Variants in KDR observed in about 807,000 individuals in gnomAD.
The protein encoded by KDR is vascular endothelial growth factor receptor 2.
In KDR, 43 loss-of-function variants were observed where a neutral mutation model predicts 160.9. The observed-to-expected ratio is 0.27, with a 90% CI of 0.21 to 0.34. KDR has a LOEUF of 0.34. Ranked by LOEUF, KDR falls within the 10% of genes least tolerant of loss-of-function variation. The pLI, the probability that KDR is intolerant of heterozygous loss-of-function variation, is 1.00. For synonymous variants in KDR, 617 were observed against 600.1 expected, an observed-to-expected ratio of 1.03 and a Z score of -0.41; for missense variants, 1,469 against 1,666.4, an observed-to-expected ratio of 0.88 and a Z score of 2.06.
At chr4:55,103,173 T>C (rs1720357855) in intron 13 of KDR, among the ~76,000 whole-genome samples, 1 of 152,142 alleles carries the variant, frequency 6.6e-6, no homozygotes. Context: ...CTAAGGGAAG[T>C]CTTGGATTTA....
At chr4:55,099,238 C>T (rs977030341) in intron 15 of KDR, among the ~76,000 whole-genome samples, 4 of 152,046 alleles carry the variant, frequency 2.6e-5, no homozygotes, top group African/African-American at 4.8e-5. Flanking sequence ...AGGCTAGTCT[C>T]GAACTCCTGG....
In KDR at chr4:55,102,460, C is replaced by A. The variant is rs1212783208; in HGVS notation, c.2036G>T (p.Ser679Ile). 11 of 1,613,748 alleles carry A rather than the reference C, an allele frequency of 6.8e-6. No homozygotes were observed. Among genetic ancestry groups the A allele is most frequent in the Non-Finnish European group, 8.5e-6 (10 of 1,179,748 alleles). ...ITGNLENQTTSIGESIEVSCT... is the reference protein window; with the variant it reads ...ITGNLENQTTIIGESIEVSCT... ...TGAGACTTCGATGCTTTCCCCAATA[C>A]TTGTCGTCTGATTCTCCAGGTTTCC... The change falls in exon 14 of 30, where the codon AGT becomes ATT. Residue 679 changes from serine (S) to isoleucine (I), a missense_variant. This residue lies in a region of KDR where 792 missense variants were observed against 840.9 expected (regional missense o/e 0.94). Coordinates refer to ENST00000263923, the MANE Select transcript of KDR (RefSeq NM_002253.4).
At chr4:55,096,522 A>C in intron 18 of KDR, 180 bp from the exon 19 acceptor site, 1 of 588,698 alleles carries the variant, frequency 1.7e-6, no homozygotes, top group Non-Finnish European at 3.0e-6. Flanking sequence ...TTCTAATTTG[A>C]AATAAAATTC....
At chr4:55,082,085 AAAT>A (rs778797857) in intron 28 of KDR, 44 bp from the exon 29 acceptor site, 4 of 1,289,170 alleles carry the variant, frequency 3.1e-6, no homozygotes, top group Non-Finnish European at 3.4e-6. Flanking sequence ...TGAGCATATA[AAAT>A]GACCAACTAT....
rs957901811 is a variant in KDR at position 55,110,759 on chromosome 4, A to G, written c.986T>C (p.Phe329Ser). 3 of 1,603,306 alleles carry G rather than the reference A, an allele frequency of 1.9e-6. No homozygotes were observed. The highest frequency in any genetic ancestry group is 2.5e-6 in the Non-Finnish European group (3 of 1,177,300). The part of the protein sequence containing the change: ...STFVRVHEKP[F>S]VAFGSGMESL... ...TTCCATGCCACTTCCAAAAGCAACAAAAGGTTTTTCTGGAAGAAAATAAAA... is the reference window on the plus strand; with the variant it reads ...TTCCATGCCACTTCCAAAAGCAACAGAAGGTTTTTCTGGAAGAAAATAAAA... Residue 329 changes from phenylalanine (F) to serine (S), a missense_variant, in exon 8 of 30, where the codon TTT becomes TCT. Physicochemically the swap from Phe to Ser is radical, Grantham distance 155 (BLOSUM62 -2). Coordinates refer to ENST00000263923, the MANE Select transcript of KDR (RefSeq NM_002253.4).
chr4:55,114,164 C>T lies in KDR; in HGVS notation c.760G>A (p.Val254Met), dbSNP rs777739723. The T allele has an allele frequency of 6.2e-7, 1 of 1,613,926 alleles. No individual in the cohort carries two copies. ...TATTCCCAGTTGAAGTCAATCCCCA[C>T]ATTTAGTTCAGTTCTTGCTGTACAA... ...LNCTARTELN[V>M]GIDFNWEYPS... is the part of the protein sequence containing the mutation. The change falls in exon 6 of 30, where the codon GTG becomes ATG. Residue 254 changes from valine to methionine, a missense_variant. Around this residue, in one of 7 missense-constraint regions of KDR, gnomAD observed 792 missense variants for 840.9 expected, o/e 0.94. Coordinates refer to ENST00000263923, the MANE Select transcript of KDR (RefSeq NM_002253.4).
At chr4:55,098,013 A>C in intron 17 of KDR, 124 bp downstream of exon 17, 1 of 1,304,500 alleles carries the variant, frequency 7.7e-7, no homozygotes, top group South Asian at 1.2e-5. Flanking sequence ...CAAATTCAAG[A>C]AATGGAATTA....
chr4:55,095,522 T>C lies in KDR; in HGVS notation c.2817+55A>G, dbSNP rs567956211. On this transcript the variant is annotated intron_variant, in intron 20 of 29. Coordinates refer to ENST00000263923, the MANE Select transcript of KDR (RefSeq NM_002253.4). ...AACTAAAAAACTAACCTGTACCATT[T>C]TGAGTTTCCCTTCATTTTATAACAT... 6.3e-5 allele frequency: 82 copies of C among 1,308,512 alleles called. No homozygotes were observed. In the South Asian group the frequency reaches 9.4e-4, roughly 15 times the overall value. The allele number at this position is 1,308,512 out of a possible 1,614,324, so 81.1% of individuals were successfully genotyped here. A position where few individuals can be genotyped will look rare whatever the true frequency, so the allele number is the denominator to read the frequency against.
Position 55,110,460 on chromosome 4 carries a change from G to T in KDR, c.1198C>A (p.Leu400Ile), listed in dbSNP as rs2110027337. The change falls in exon 9 of 30, where the codon CTT (leucine) becomes ATT (isoleucine). Residue 400 changes from leucine to isoleucine, a missense_variant. By Grantham distance (5) the Leu-to-Ile change is conservative. This residue lies in a region of KDR where 792 missense variants were observed against 840.9 expected (regional missense o/e 0.94). Coordinates refer to ENST00000263923, the MANE Select transcript of KDR (RefSeq NM_002253.4). The part of the protein sequence containing the change: ...ERDTGNYTVI[L>I]TNPISKEKQS... ...TTCTCCTTTGAAATGGGATTGGTAA[G>T]GATGACAGTGTAATTTCCTGTGTCT... is the stretch of plus-strand genomic sequence containing the variant. 6.2e-7 allele frequency: 1 copy of T among 1,614,076 alleles called. No individual in the cohort carries two copies. Among genetic ancestry groups the T allele is most frequent in the Non-Finnish European group, 8.5e-7 (1 of 1,179,966 alleles).
chr4:55,097,820 A>G (rs1214993442), intron 17 of KDR, 54 bp from the exon 18 acceptor site: 2 of 1,244,680 alleles, frequency 1.6e-6, no homozygotes, highest in South Asian at 1.2e-5. Flanking sequence ...CTATACAACC[A>G]AAGTGATACG....
intron 21 of KDR, among the ~76,000 whole-genome samples, chr4:55,093,467 G>GT (rs1269629997): frequency 1.3e-5 from 2 of 152,094 alleles, no homozygotes; most frequent in Non-Finnish European, 2.9e-5. Flanking sequence ...TAATAAATTC[G>GT]TAAGTATTTA....
Position 55,082,687 on chromosome 4 carries a change from T to A in KDR, c.3663-52A>T, listed in dbSNP as rs553564973. 8.9e-6 allele frequency: 12 copies of A among 1,353,552 alleles called. No homozygotes were observed. The South Asian group carries it at 1.3e-4, about 14-fold the overall frequency. The allele number at this position is 1,353,552 out of a possible 1,614,324, so 83.8% of individuals were successfully genotyped here. ...TAGTGGTGGTATATTTGACTGCAGA[T>A]CGGCTACCTAAGTTCATTATCTTTC... is the stretch of plus-strand genomic sequence containing the variant. On this transcript the variant is annotated intron_variant, in intron 27 of 29. Coordinates refer to ENST00000263923, the MANE Select transcript of KDR (RefSeq NM_002253.4).
Position 55,089,718 on chromosome 4 carries a change from C to T in KDR, c.3277G>A (p.Val1093Ile). The T allele has an allele frequency of 6.2e-7, 1 of 1,613,996 alleles. No homozygotes were observed. The highest frequency in any genetic ancestry group is 1.1e-5 in the South Asian group (1 of 91,082). Residue 1093 changes from valine (V) to isoleucine (I), a missense_variant, in exon 24 of 30, where the codon GTT becomes ATT. Physicochemically the swap from Val to Ile is conservative, Grantham distance 29. Coordinates refer to ENST00000263923, the MANE Select transcript of KDR (RefSeq NM_002253.4). ...AAGGAAAATATTTCCCACAGCAAAACACCAAAAGACCAGACGTCACTCTGG... is the reference window on the plus strand; with the variant it reads ...AAGGAAAATATTTCCCACAGCAAAATACCAAAAGACCAGACGTCACTCTGG... ...TIQSDVWSFG[V>I]LLWEIFSLGA...
chr4:55,079,873 C>T lies in KDR; in HGVS notation c.*68G>A. 1 of 1,387,482 alleles carries T rather than the reference C, an allele frequency of 7.2e-7. No homozygotes were observed. The highest frequency in any genetic ancestry group is 1.0e-6 in the Non-Finnish European group (1 of 974,330). 85.9% of individuals were successfully genotyped at this position (1,387,482 alleles called of 1,614,324 possible). ...GGCTACTTCCTGCTGGTGGAAAGAA[C>T]AACACTTGAAAATCTGAGCAGCACC... On this transcript the variant is annotated 3_prime_UTR_variant, in exon 30 of 30. Transcript: ENST00000263923.
chr4:55,115,058 A>G lies in KDR; in HGVS notation c.490-16T>C, dbSNP rs758877144. 6.2e-7 allele frequency: 1 copy of G among 1,604,674 alleles called. No homozygotes were observed. Among genetic ancestry groups the G allele is most frequent in the African/African-American group, 1.3e-5 (1 of 74,724 alleles). On this transcript the variant is annotated splice_polypyrimidine_tract_variant and intron_variant, in intron 4 of 29. Transcript: ENST00000263923. Reference sequence around the variant, plus strand: ...CTGGGTATCTCTGGGTAATAAAAAGACATATCAAATATTTAATCCAGTACC... The same window carrying G: ...CTGGGTATCTCTGGGTAATAAAAAGGCATATCAAATATTTAATCCAGTACC...
Position 55,102,369 on chromosome 4 carries a change from T to C in KDR, c.2127A>G (p.Glu709=). The change falls in exon 14 of 30, where the codon GAA becomes GAG. Residue 709 remains glutamate (E), a synonymous_variant. Transcript: ENST00000263923. ...MWFKDNETLV[E]DSGIVLKDGN... ...TAGCCAAATTCTATTTACCTGAGTC[T>C]TCTACAAGGGTCTCATTATCTTTAA... The C allele has an allele frequency of 1.2e-6, 2 of 1,613,704 alleles. No individual in the cohort carries two copies. Among genetic ancestry groups the C allele is most frequent in the East Asian group, 4.5e-5 (2 of 44,862 alleles).
chr4:55,098,034 A>G, intron 17 of KDR, 103 bp downstream of exon 17: 1 of 1,447,106 alleles, frequency 6.9e-7, no homozygotes, highest in South Asian at 1.1e-5. Context: ...ATATTTCTAA[A>G]CCAGAATCCA....
chr4:55,099,764 G>T (rs1720263516), intron 15 of KDR, among the ~76,000 whole-genome samples: 2 of 152,114 alleles, frequency 1.3e-5, no homozygotes, highest in African/African-American at 4.8e-5. Flanking sequence ...TTGACTGAGG[G>T]CACACAGCTA....
intron 7 of KDR, among the ~76,000 whole-genome samples, chr4:55,111,321 A>G (rs908040254): frequency 6.6e-6 from 1 of 152,136 alleles, no homozygotes; most frequent in Non-Finnish European, 1.5e-5. Context: ...CATATCTAAC[A>G]CTGTTTCCCT....
Sources: allele counts gnomAD v4.1 joint callset (sites outside exome capture counted in the v4.1 genomes callset), GRCh38; gene constraint gnomAD v4.1.1; regional missense constraint gnomAD v4.1.1; transcripts MANE v1.5; gene names NCBI Gene and HGNC (gene_info 2026-07-23, HGNC 2026-07-21).